Variants in ANK3 observed in about 807,000 individuals in gnomAD.
ANK3 encodes the protein ankyrin 3, also known as ankyrin-3.
ANK3 carries 57 observed loss-of-function variants against 370.9 expected under a neutral mutation model. That is an observed-to-expected ratio of 0.15 (90% CI 0.12 to 0.19). The LOEUF (loss-of-function observed/expected upper bound fraction) is 0.19, where lower values mean the gene tolerates loss of function less well. ANK3 is among the 10% of genes least tolerant of loss of function. The probability of loss-of-function intolerance (pLI) is 1.00; values close to 1 mark genes in which losing one functional copy is unlikely to be tolerated. For missense variants in ANK3, 4,439 were observed against 5,302.1 expected (o/e 0.84, Z 5.06); for synonymous variants, 1,929 against 1,946.3 (o/e 0.99, Z 0.23).
chr10:60,183,156 C>G (rs1236446730), intron 17 of ANK3, among the ~76,000 whole-genome samples: 2 of 152,212 alleles, frequency 1.3e-5, no homozygotes, highest in Non-Finnish European at 2.9e-5. Flanking sequence ...TGGCCTTTCT[C>G]TCTTCTCGTT....
intron 42 of ANK3, chr10:60,043,681 T>C: frequency 7.1e-6 from 7 of 985,486 alleles, no homozygotes; most frequent in Non-Finnish European, 8.4e-6. Flanking sequence ...TTCTAACTTT[T>C]AAAGCCTGTG....
chr10:60,580,794 G>A (rs189508147), intron 2 of ANK3, among the ~76,000 whole-genome samples: 15 of 152,178 alleles, frequency 9.9e-5, no homozygotes, highest in Admixed American at 5.2e-4. Flanking sequence ...GAACACCTTC[G>A]CAGGGAATCT....
chr10:60,308,582 T>C (rs2045696496), intron 1 of ANK3, among the ~76,000 whole-genome samples: 1 of 152,108 alleles, frequency 6.6e-6, no homozygotes, highest in Non-Finnish European at 1.5e-5. Context: ...GGCCGGAATC[T>C]GGTGTTGGAT....
intron 1 of ANK3, among the ~76,000 whole-genome samples, chr10:60,370,774 C>T (rs947790879): frequency 1.3e-5 from 2 of 152,146 alleles, no homozygotes; most frequent in Non-Finnish European, 2.9e-5. Context: ...GGTAGATTTC[C>T]GTGTTCTCGG....
intron 2 of ANK3, among the ~76,000 whole-genome samples, chr10:60,539,342 C>T (rs746174193): frequency 4.6e-5 from 7 of 151,852 alleles, no homozygotes; most frequent in Non-Finnish European, 8.8e-5. Context: ...GAAGAAATAG[C>T]ACTTTTGAGT....
intron 1 of ANK3, among the ~76,000 whole-genome samples, chr10:60,720,771 C>A (rs1029675692): frequency 3.9e-5 from 6 of 152,218 alleles, no homozygotes; most frequent in Admixed American, 1.3e-4. Flanking sequence ...CACCACTATG[C>A]CCTGCTAATT....
Position 60,172,451 on chromosome 10 carries a change from A to C in ANK3, c.2383-48T>G, listed in dbSNP as rs1280720947. 18 of 1,509,194 alleles carry C rather than the reference A, an allele frequency of 1.2e-5. No individual in the cohort carries two copies. The East Asian group carries it at 4.1e-4, about 34-fold the overall frequency. 93.5% of individuals were successfully genotyped at this position (1,509,194 alleles called of 1,614,324 possible). ...GAGGAATTAGCAAGCCTTATTCCACATTTTTTTTGCTGATACAAAATGTAA... is the reference window on the plus strand; with the variant it reads ...GAGGAATTAGCAAGCCTTATTCCACCTTTTTTTTGCTGATACAAAATGTAA... On this transcript the variant is annotated intron_variant, in intron 20 of 43. Coordinates refer to ENST00000280772, the MANE Select transcript of ANK3 (RefSeq NM_020987.5).
At chr10:60,132,329 G>C (rs1178160266) in intron 25 of ANK3, among the ~76,000 whole-genome samples, 1 of 152,130 alleles carries the variant, frequency 6.6e-6, no homozygotes, top group African/African-American at 2.4e-5. Flanking sequence ...TTGTGGGAGG[G>C]ACCTGGTGGG....
At chr10:60,494,280 T>C (rs1431797349) in intron 2 of ANK3, among the ~76,000 whole-genome samples, 1 of 152,088 alleles carries the variant, frequency 6.6e-6, no homozygotes, top group East Asian at 1.9e-4. Flanking sequence ...AAAAAAATCA[T>C]TAGAATGGAA....
rs112857002 is a variant in ANK3, at chr10:60,112,265, G to A, written c.2948+1960C>T. ...TGGTTTCAGGTCTTTGAAATATGGC[G>A]GCAATTCATCAAGCGTGATTCAAAA... is the stretch of plus-strand genomic sequence containing the variant. On this transcript the variant is annotated intron_variant, in intron 26 of 43. Transcript: ENST00000280772. Among the ~76,000 whole-genome samples, 1,087 of 151,484 alleles carry A rather than the reference G, an allele frequency of 7.2e-3. 11 individuals are homozygous for A. The highest frequency in any genetic ancestry group is 0.025 in the African/African-American group (1,034 of 41,274).
At chr10:60,137,236 C>A (rs12266999) in intron 24 of ANK3, 1 of 193,164 alleles carries the variant, frequency 5.2e-6, no homozygotes, top group South Asian at 7.5e-5. Flanking sequence ...GAAAGCACAT[C>A]GCAGCACATC....
intron 2 of ANK3, among the ~76,000 whole-genome samples, chr10:60,541,463 C>T (rs535473459): frequency 1.3e-5 from 2 of 152,034 alleles, no homozygotes; most frequent in South Asian, 2.1e-4. Flanking sequence ...GATAATATTA[C>T]GTTTTCTTTC....
intron 1 of ANK3, among the ~76,000 whole-genome samples, chr10:60,693,833 G>T (rs2079398181): frequency 6.6e-6 from 1 of 152,150 alleles, no homozygotes; most frequent in South Asian, 2.1e-4. Flanking sequence ...ACTCTAAAAT[G>T]CAGAGCACCT....
intron 1 of ANK3, among the ~76,000 whole-genome samples, chr10:60,335,661 C>A (rs1239698645): frequency 6.6e-6 from 1 of 152,140 alleles, no homozygotes; most frequent in Non-Finnish European, 1.5e-5. Flanking sequence ...TTTTAATGAG[C>A]TCATCGGTCT....
chr10:60,336,441 C>A (rs952191699), intron 1 of ANK3, among the ~76,000 whole-genome samples: 1 of 152,146 alleles, frequency 6.6e-6, no homozygotes, highest in Middle Eastern at 3.2e-3. Flanking sequence ...GCTCTTCTCC[C>A]AGTGCATTTT....
At chr10:60,475,615 A>C (rs879380567) in intron 2 of ANK3, among the ~76,000 whole-genome samples, 1 of 152,244 alleles carries the variant, frequency 6.6e-6, no homozygotes, top group Non-Finnish European at 1.5e-5. Context: ...TTTAATTTTG[A>C]AACAGTCTAT....
intron 4 of ANK3, among the ~76,000 whole-genome samples, chr10:60,274,055 A>G (rs905635601): frequency 3.3e-5 from 5 of 152,124 alleles, no homozygotes; most frequent in Admixed American, 3.3e-4. Flanking sequence ...AGCTCACTGC[A>G]GCCTTAACAT....
chr10:60,565,736 AAC>A (rs1250536035), intron 2 of ANK3, among the ~76,000 whole-genome samples: 1 of 152,170 alleles, frequency 6.6e-6, no homozygotes, highest in Non-Finnish European at 1.5e-5. Context: ...TCATCTGGGA[AAC>A]ACATATCTTC....
At position 60,350,549 on chromosome 10, in the gene ANK3, C is replaced by T. The variant is rs539247899; in HGVS notation, c.114+38876G>A. Among the ~76,000 whole-genome samples, 29 of 152,316 alleles carry T rather than the reference C, an allele frequency of 1.9e-4. No homozygotes were observed. The East Asian group carries it at 5.6e-3, about 29-fold the overall frequency. ...GTCCCTTAGCCTGTTCAGGCCAATCCTCTCAATCCTATTTCCCCAGGAAAG... is the reference window on the plus strand; with the variant it reads ...GTCCCTTAGCCTGTTCAGGCCAATCTTCTCAATCCTATTTCCCCAGGAAAG... On this transcript the variant is annotated intron_variant, in intron 1 of 43. Coordinates refer to ENST00000280772, the MANE Select transcript of ANK3 (RefSeq NM_020987.5).
Sources: gnomAD v4.1 joint callset for allele counts (sites outside exome capture counted in the v4.1 genomes callset) on GRCh38, gnomAD v4.1.1 for gene constraint, MANE v1.5 for transcripts, NCBI Gene and HGNC (gene_info 2026-07-23, HGNC 2026-07-21) for gene names.